PFKFB3: variants seen among roughly 807,000 people sequenced by gnomAD.
PFKFB3 encodes 6-phosphofructo-2-kinase/fructose-2,6-bisphosphatase 3.
A neutral mutation model predicts 68.0 loss-of-function variants in PFKFB3; 33 were observed. The observed-to-expected ratio is 0.49, with a 90% CI of 0.37 to 0.65. The LOEUF (loss-of-function observed/expected upper bound fraction) is 0.65, where lower values mean the gene tolerates loss of function less well. Among genes scored for constraint, PFKFB3 ranks in the 30% least tolerant of loss-of-function variants. The pLI is 0.00. For synonymous variants in PFKFB3, 315 were observed against 288.2 expected (o/e 1.09, Z -0.94); for missense variants, 586 against 712.2 (o/e 0.82, Z 2.02).
At chr10:6,250,570 CAAA>C (rs34324800) in intron 14 of PFKFB3, among the ~76,000 whole-genome samples, 52 of 122,450 alleles carry the variant, frequency 4.2e-4, no homozygotes, top group African/African-American at 8.6e-4. Flanking sequence ...GACTCGGTCT[CAAA>C]AAAAAAAAAA....
chr10:6,236,410 C>T (rs1309608669), downstream of PFKFB3, among the ~76,000 whole-genome samples: 3 of 152,202 alleles, frequency 2.0e-5, no homozygotes, highest in Non-Finnish European at 4.4e-5. Context: ...GCGTGACCAG[C>T]GTCTTGCTTG....
At chr10:6,324,797 A>G in the PFKFB3 span, among the ~76,000 whole-genome samples, 1 of 151,928 alleles carries the variant, frequency 6.6e-6, no homozygotes, top group Non-Finnish European at 1.5e-5. Flanking sequence ...TTTATGTTAT[A>G]TATATTTTAC....
the PFKFB3 span, among the ~76,000 whole-genome samples, chr10:6,277,976 G>A: frequency 6.6e-6 from 1 of 151,778 alleles, no homozygotes; most frequent in Non-Finnish European, 1.5e-5. Flanking sequence ...GAGTGCAGTG[G>A]CACCATCTCT....
intron 1 of PFKFB3, among the ~76,000 whole-genome samples, chr10:6,207,785 C>T (rs576328234): frequency 3.9e-5 from 6 of 152,336 alleles, no homozygotes; most frequent in African/African-American, 9.6e-5. Context: ...TAGCTTCCTT[C>T]GCATGCATCC....
chr10:6,283,126 C>T, the PFKFB3 span, among the ~76,000 whole-genome samples: 2 of 152,256 alleles, frequency 1.3e-5, no homozygotes, highest in East Asian at 1.9e-4. Flanking sequence ...CCACCATGCC[C>T]AGCTAATTTT....
At chr10:6,290,361 T>G in the PFKFB3 span, among the ~76,000 whole-genome samples, 2 of 152,106 alleles carry the variant, frequency 1.3e-5, no homozygotes, top group Non-Finnish European at 2.9e-5. Flanking sequence ...TAGCTCTTAT[T>G]ATTTTGAGAT....
chr10:6,156,539 G>A (rs1390535155), intron 1 of PFKFB3, among the ~76,000 whole-genome samples: 3 of 151,298 alleles, frequency 2.0e-5, no homozygotes, highest in Admixed American at 6.6e-5. Flanking sequence ...ATGGAGTCTC[G>A]CTCTGCGGCC....
chr10:6,241,847 CT>C (rs200489171), intron 14 of PFKFB3, among the ~76,000 whole-genome samples: 507 of 133,980 alleles, frequency 3.8e-3, no homozygotes, highest in African/African-American at 5.5e-3. Flanking sequence ...GCTTTCTTTT[CT>C]TTTTTTTTTT....
chr10:6,157,306 A>C (rs1307361817), intron 1 of PFKFB3, among the ~76,000 whole-genome samples: 1 of 150,342 alleles, frequency 6.7e-6, no homozygotes, highest in Non-Finnish European at 1.5e-5. Context: ...GGCTCACTGC[A>C]AGCTCCACCT....
At chr10:6,192,365 TC>T (rs1564609428) in intron 1 of PFKFB3, among the ~76,000 whole-genome samples, 1 of 116,592 alleles carries the variant, frequency 8.6e-6, no homozygotes. Flanking sequence ...TTTTCTTTCT[TC>T]TTTTTTTTTT....
chr10:6,237,582 T>C (rs1337283465), downstream of PFKFB3, among the ~76,000 whole-genome samples: 1 of 152,264 alleles, frequency 6.6e-6, no homozygotes, highest in Non-Finnish European at 1.5e-5. Context: ...TAAAGTTTGT[T>C]TTTTGAGACA....
upstream of PFKFB3, among the ~76,000 whole-genome samples, chr10:6,199,658 ATTTTTTTT>A (rs143309528): frequency 1.2e-4 from 9 of 75,584 alleles, no homozygotes; most frequent in East Asian, 4.0e-4. Flanking sequence ...CTATTTTTAA[ATTTTTTTT>A]TTTTTTTTTT....
rs1488207456 is a variant in PFKFB3 at position 6,220,827 on chromosome 10, A to T, written c.793A>T (p.Ile265Phe). The T allele has an allele frequency of 6.2e-7, 1 of 1,612,976 alleles. No homozygotes were observed. Among genetic ancestry groups the T allele is most frequent in the Non-Finnish European group, 8.5e-7 (1 of 1,180,006 alleles). Residue 265 changes from isoleucine (I) to phenylalanine (F), a missense_variant, in exon 8 of 15, where the codon ATC (isoleucine) becomes TTC (phenylalanine). Transcript: ENST00000379775. This position sits in a 1 kb window ranked among gnomAD's most constrained non-coding sequence, Gnocchi z 4.1. ...GENEHNLQGRIGGDSGLSSRG... is the reference protein window; with the variant it reads ...GENEHNLQGRFGGDSGLSSRG... ...GAACGAGCACAACCTCCAGGGCCGC[A>T]TCGGGGGCGACTCAGGCCTGTCCAG...
chr10:6,228,227 C>T lies in PFKFB3; in HGVS notation c.1515+1862C>T, dbSNP rs1470426794. 4 of 1,612,546 alleles carry T rather than the reference C, an allele frequency of 2.5e-6. No homozygotes were observed. Among genetic ancestry groups the T allele is most frequent in the East Asian group, 2.2e-5 (1 of 44,886 alleles). On this transcript the variant is annotated intron_variant, in intron 14 of 14. Coordinates refer to ENST00000379775, the MANE Select transcript of PFKFB3 (RefSeq NM_004566.4). The surrounding 1 kb of genome is among the most constrained non-coding windows in gnomAD (Gnocchi z 4.5). ...CTAGGGCAAGCCTGTCTGTAAGTAT[C>T]TCTCCGATCATCGCTGCTGCTTGCA...
the PFKFB3 span, among the ~76,000 whole-genome samples, chr10:6,290,334 T>C: frequency 6.6e-6 from 1 of 151,982 alleles, no homozygotes; most frequent in African/African-American, 2.4e-5. Context: ...TGATATTGGC[T>C]GTGGGTTTGT....
intron 14 of PFKFB3, chr10:6,245,915 T>C (rs1252900162): frequency 1.3e-5 from 2 of 152,192 alleles, no homozygotes; most frequent in Admixed American, 1.3e-4. Context: ...TCAGAAGCTC[T>C]AAGTAGCATT....
chr10:6,262,379 T>TG, the PFKFB3 span, among the ~76,000 whole-genome samples: 38 of 68,404 alleles, frequency 5.6e-4, no homozygotes, highest in African/African-American at 1.8e-3. Flanking sequence ...GCGTGAACCC[T>TG]GGGGGGCGGA....
intron 1 of PFKFB3, among the ~76,000 whole-genome samples, chr10:6,184,598 G>A (rs1429571493): frequency 1.3e-5 from 2 of 151,960 alleles, no homozygotes; most frequent in Admixed American, 6.6e-5. Context: ...AGCCTCCTGA[G>A]GAACTGGGAT....
At chr10:6,255,668 G>T (rs1199931181), downstream of PFKFB3, among the ~76,000 whole-genome samples, 4 of 152,182 alleles carry the variant, frequency 2.6e-5, no homozygotes, top group African/African-American at 9.7e-5. Flanking sequence ...GACAGAGTTT[G>T]CCAGGGTTGT....
Sources: allele counts gnomAD v4.1 joint callset (sites outside exome capture counted in the v4.1 genomes callset), GRCh38; gene constraint gnomAD v4.1.1; non-coding constraint Gnocchi (gnomAD v3.1); transcripts MANE v1.5; gene names NCBI Gene and HGNC (gene_info 2026-07-23, HGNC 2026-07-21).